The following PRKG1 variants were observed in gnomAD, a reference collection of about 807,000 sequenced individuals.
PRKG1 encodes the protein protein kinase cGMP-dependent 1, also known as cGMP-dependent protein kinase 1.
A neutral mutation model predicts 88.1 loss-of-function variants in PRKG1; 35 were observed. The ratio of observed to expected loss-of-function variants is 0.40; its 90% confidence interval spans 0.30 to 0.53. The LOEUF (loss-of-function observed/expected upper bound fraction) is 0.53. Ranked by LOEUF, PRKG1 falls within the 20% of genes least tolerant of loss-of-function variation. PRKG1 has a pLI of 0.59. For synonymous variants in PRKG1, 303 were observed against 292.5 expected (o/e 1.04, Z -0.37); for missense variants, 540 against 839.8 (o/e 0.64, Z 4.41).
chr10:51,047,617 C>CA (rs142049774), intron 1 of PRKG1, among the ~76,000 whole-genome samples: 1,714 of 125,838 alleles, frequency 0.014, 28 homozygotes, highest in African/African-American at 0.045. Flanking sequence ...TTATTATTTC[C>CA]AAAAAAAAAA....
chr10:51,521,400 A>G (rs897093498), intron 3 of PRKG1, among the ~76,000 whole-genome samples: 1 of 152,316 alleles, frequency 6.6e-6, no homozygotes, highest in South Asian at 2.1e-4. Context: ...GTTCCCAAAA[A>G]TGCCTTTCAA....
intron 2 of PRKG1, among the ~76,000 whole-genome samples, chr10:51,213,153 A>G (rs1200979539): frequency 2.0e-5 from 3 of 152,250 alleles, no homozygotes; most frequent in South Asian, 2.1e-4. Flanking sequence ...GGATTAGTTC[A>G]TGTCCTTTGT....
chr10:51,097,949 G>GAA (rs5784858), intron 1 of PRKG1, among the ~76,000 whole-genome samples: 2 of 151,896 alleles, frequency 1.3e-5, no homozygotes, highest in Non-Finnish European at 2.9e-5. Context: ...CAGTTAACTG[G>GAA]AAAAAAACTA....
rs182890611 is a variant in PRKG1, at chr10:51,944,427, T to C, written c.762+36857T>C. 3.3e-3 allele frequency among the ~76,000 whole-genome samples: 503 copies of C among 152,220 alleles called. 4 individuals carry two copies. The highest frequency in any genetic ancestry group is 0.012 in the African/African-American group (487 of 41,458). ...CCAGCTCCTGGATTCATTAATTTTT[T>C]GAAGGGTTTTTTGTATCTCTATTTC... is the stretch of plus-strand genomic sequence containing the variant. On this transcript the variant is annotated intron_variant, in intron 5 of 17. Coordinates refer to ENST00000373980, the MANE Select transcript of PRKG1 (RefSeq NM_006258.4).
intron 2 of PRKG1, among the ~76,000 whole-genome samples, chr10:51,425,380 A>G (rs1838547315): frequency 6.6e-6 from 1 of 152,228 alleles, no homozygotes; most frequent in African/African-American, 2.4e-5. Flanking sequence ...TCTATTAAAA[A>G]ATACAGCTCT....
chr10:51,877,627 C>T (rs989659586), intron 4 of PRKG1, among the ~76,000 whole-genome samples: 8 of 152,134 alleles, frequency 5.3e-5, no homozygotes, highest in Non-Finnish European at 1.2e-4. Flanking sequence ...AATCACTGGC[C>T]TATAACCACC....
chr10:51,321,513 C>T (rs540381979), intron 2 of PRKG1, among the ~76,000 whole-genome samples: 10 of 151,966 alleles, frequency 6.6e-5, no homozygotes, highest in South Asian at 2.1e-4. Context: ...AAGCCAGGCA[C>T]GGAAAGACAA....
At chr10:51,854,474 C>T (rs937645397) in intron 4 of PRKG1, among the ~76,000 whole-genome samples, 16 of 151,926 alleles carry the variant, frequency 1.1e-4, no homozygotes, top group African/African-American at 3.1e-4. Flanking sequence ...TGGAAATAAC[C>T]GGTATTTTAG....
chr10:51,268,126 T>A (rs1337407969), intron 2 of PRKG1, among the ~76,000 whole-genome samples: 1 of 152,150 alleles, frequency 6.6e-6, no homozygotes, highest in Non-Finnish European at 1.5e-5. Flanking sequence ...CAAGTTTTTT[T>A]AGTGATTTTC....
Position 52,245,648 on chromosome 10 carries a change from G to A in PRKG1, c.1077-5922G>A, listed in dbSNP as rs368843655. ...TCGTAGTTTTCCCCAAGAATTGATC[G>A]ATCTAAACTCAAGAGGAAATGAAAG... On this transcript the variant is annotated intron_variant, in intron 9 of 17. Coordinates refer to ENST00000373980, the MANE Select transcript of PRKG1 (RefSeq NM_006258.4). Among the ~76,000 whole-genome samples the A allele has an allele frequency of 9.2e-5, 14 of 152,108 alleles. No individual in the cohort carries two copies. In the East Asian group the frequency reaches 1.9e-3, roughly 21 times the overall value.
At chr10:51,270,863 AAGC>A (rs1440257601) in intron 2 of PRKG1, among the ~76,000 whole-genome samples, 1 of 152,148 alleles carries the variant, frequency 6.6e-6, no homozygotes, top group African/African-American at 2.4e-5. Context: ...AGGAAGTTAC[AAGC>A]AGCAGAAAAA....
At chr10:51,056,700 TGTAG>T (rs2132777033) in intron 1 of PRKG1, among the ~76,000 whole-genome samples, 1 of 152,274 alleles carries the variant, frequency 6.6e-6, no homozygotes, top group South Asian at 2.1e-4. Flanking sequence ...ACCAAGTTAA[TGTAG>T]TCTACATTTG....
chr10:51,289,002 C>T (rs1840514445), intron 2 of PRKG1, among the ~76,000 whole-genome samples: 1 of 151,864 alleles, frequency 6.6e-6, no homozygotes, highest in Non-Finnish European at 1.5e-5. Context: ...TTTAATTAGA[C>T]TCTTATTATC....
intron 9 of PRKG1, among the ~76,000 whole-genome samples, chr10:52,165,262 G>T (rs1357040344): frequency 6.6e-6 from 1 of 152,042 alleles, no homozygotes; most frequent in Admixed American, 6.6e-5. Context: ...TCTTAATTAG[G>T]TGTCCTGTCA....
intron 3 of PRKG1, among the ~76,000 whole-genome samples, chr10:51,480,448 G>A (rs894097085): frequency 4.0e-5 from 6 of 151,784 alleles, no homozygotes; most frequent in African/African-American, 9.7e-5. Flanking sequence ...CGTTGGGCTC[G>A]TAATTAAAAA....
intron 2 of PRKG1, among the ~76,000 whole-genome samples, chr10:51,193,889 G>A (rs1010851857): frequency 2.0e-5 from 3 of 152,148 alleles, no homozygotes; most frequent in Admixed American, 6.6e-5. Context: ...ATGCGAAGGA[G>A]GACATAAATT....
At chr10:51,770,424 G>C (rs1321915800) in intron 3 of PRKG1, among the ~76,000 whole-genome samples, 1 of 152,198 alleles carries the variant, frequency 6.6e-6, no homozygotes, top group African/African-American at 2.4e-5. Flanking sequence ...TAGATCTGTT[G>C]TTTGGAAAGC....
At chr10:51,764,430 G>A (rs139898302) in intron 3 of PRKG1, among the ~76,000 whole-genome samples, 326 of 152,268 alleles carry the variant, frequency 2.1e-3, no homozygotes, top group Middle Eastern at 0.01. Flanking sequence ...TTAAGTTGCT[G>A]ATGCTTTGTT....
At position 51,412,279 on chromosome 10, in the gene PRKG1, A is replaced by G. The variant is rs575937204; in HGVS notation, c.479-55444A>G. Among the ~76,000 whole-genome samples, 40 of 152,034 alleles carry G rather than the reference A, an allele frequency of 2.6e-4. No homozygotes were observed. The South Asian group carries it at 3.3e-3, about 13-fold the overall frequency. On this transcript the variant is annotated intron_variant, in intron 2 of 17. Coordinates refer to ENST00000373980, the MANE Select transcript of PRKG1 (RefSeq NM_006258.4). ...AAATGTCAACAGGGCCTCAGGAAAAAAGGAAGGAAAAAACACAAAACTCAA... is the reference window on the plus strand; with the variant it reads ...AAATGTCAACAGGGCCTCAGGAAAAGAGGAAGGAAAAAACACAAAACTCAA...
Sources: gnomAD v4.1 joint callset for allele counts (sites outside exome capture counted in the v4.1 genomes callset) on GRCh38, gnomAD v4.1.1 for gene constraint, MANE v1.5 for transcripts, NCBI Gene and HGNC (gene_info 2026-07-23, HGNC 2026-07-21) for gene names.